The following RASAL2 variants were observed in gnomAD, a reference collection of about 807,000 sequenced individuals.
The protein encoded by RASAL2 is RAS protein activator like 2.
In RASAL2, 58 loss-of-function variants were observed where a neutral mutation model predicts 128.9. The ratio of observed to expected loss-of-function variants is 0.45; its 90% CI spans 0.36 to 0.56. The LOEUF is 0.56. Among genes scored for constraint, RASAL2 ranks in the 20% least tolerant of loss-of-function variants. The pLI is 0.00. For synonymous variants in RASAL2, 561 were observed against 580.8 expected (o/e 0.97, Z 0.49); for missense variants, 1,360 against 1,601.6 (o/e 0.85, Z 2.57).
intron 4 of RASAL2, among the ~76,000 whole-genome samples, chr1:178,390,483 AT>A (rs1400237531): frequency 1.3e-5 from 2 of 152,036 alleles, no homozygotes; most frequent in Non-Finnish European, 2.9e-5. Flanking sequence ...AGTTTAGGCG[AT>A]TCTCCTGCCT....
chr1:178,107,481 A>C (rs1396236405), intron 1 of RASAL2, among the ~76,000 whole-genome samples: 2 of 152,142 alleles, frequency 1.3e-5, no homozygotes, highest in Non-Finnish European at 2.9e-5. Flanking sequence ...AAATATAGCA[A>C]ATTTTCATTT....
At chr1:178,154,142 A>C (rs1661002221) in intron 1 of RASAL2, among the ~76,000 whole-genome samples, 1 of 136,912 alleles carries the variant, frequency 7.3e-6, no homozygotes, top group African/African-American at 2.7e-5. Flanking sequence ...GGCCTGATTG[A>C]TTTTTTTTTT....
intron 1 of RASAL2, among the ~76,000 whole-genome samples, chr1:178,274,960 G>A (rs1422410978): frequency 1.3e-5 from 2 of 152,042 alleles, no homozygotes; most frequent in Admixed American, 1.3e-4. Flanking sequence ...TTCCTTCAAA[G>A]GATTAGTATA....
chr1:178,307,293 T>C (rs967421931), intron 3 of RASAL2, among the ~76,000 whole-genome samples: 2 of 152,098 alleles, frequency 1.3e-5, no homozygotes, highest in Non-Finnish European at 2.9e-5. Context: ...AAAATTTTTT[T>C]CCACTGAAAA....
At chr1:178,277,628 G>A (rs180993228) in intron 1 of RASAL2, among the ~76,000 whole-genome samples, 89 of 152,332 alleles carry the variant, frequency 5.8e-4, no homozygotes, top group Non-Finnish European at 9.0e-4. Flanking sequence ...AAATGAAAAT[G>A]TATGTATAGA....
At chr1:178,235,595 T>TGTGC (rs1457064222) in intron 1 of RASAL2, among the ~76,000 whole-genome samples, 1 of 151,632 alleles carries the variant, frequency 6.6e-6, no homozygotes, top group African/African-American at 2.4e-5. Context: ...AAGTGCTTCG[T>TGTGC]GTGCGTGTGT....
chr1:178,237,037 T>TA, intron 1 of RASAL2, among the ~76,000 whole-genome samples: 1 of 152,140 alleles, frequency 6.6e-6, no homozygotes, highest in Non-Finnish European at 1.5e-5. Flanking sequence ...ATGCTGGAAT[T>TA]ACAGGTGTGA....
At position 178,366,008 on chromosome 1, in the gene RASAL2, T is replaced by C. The variant is rs142759900; in HGVS notation, c.458-24092T>C. On this transcript the variant is annotated intron_variant, in intron 3 of 17. Coordinates refer to ENST00000367649, the MANE Select transcript of RASAL2 (RefSeq NM_170692.4). ...TTTTATGATATTGAAATATAATTTG[T>C]ATAGTAGATTATTCATGGAGTAGCA... Among the ~76,000 whole-genome samples, 214 of 152,334 alleles carry C rather than the reference T, an allele frequency of 1.4e-3. 1 individual carries two copies. Among genetic ancestry groups the C allele is most frequent in the African/African-American group, 4.6e-3 (191 of 41,578 alleles).
intron 3 of RASAL2, among the ~76,000 whole-genome samples, chr1:178,380,459 G>C (rs1174239023): frequency 1.3e-5 from 2 of 151,930 alleles, no homozygotes; most frequent in African/African-American, 4.8e-5. Flanking sequence ...AATTTATTTT[G>C]TATTAAATTG....
chr1:178,320,420 G>A (rs1471308055), intron 3 of RASAL2, among the ~76,000 whole-genome samples: 3 of 152,188 alleles, frequency 2.0e-5, no homozygotes, highest in Non-Finnish European at 4.4e-5. Context: ...TTTGATCTCA[G>A]ACTGCTGTGC....
At chr1:178,278,493 G>A (rs1666630985) in intron 1 of RASAL2, among the ~76,000 whole-genome samples, 1 of 151,990 alleles carries the variant, frequency 6.6e-6, no homozygotes, top group African/African-American at 2.4e-5. Flanking sequence ...CTCTCAATAG[G>A]TTCATGATTT....
rs573616910 is a variant in RASAL2 at position 178,348,205 on chromosome 1, A to G, written c.458-41895A>G. ...TGTTCTGTGGTGGTGTTGTTTTCTGATTCAGATGCTGGTTACTAGCATGAA... is the reference window on the plus strand; with the variant it reads ...TGTTCTGTGGTGGTGTTGTTTTCTGGTTCAGATGCTGGTTACTAGCATGAA... On this transcript the variant is annotated intron_variant, in intron 3 of 17. Coordinates refer to ENST00000367649, the MANE Select transcript of RASAL2 (RefSeq NM_170692.4). Among the ~76,000 whole-genome samples the G allele has an allele frequency of 3.3e-5, 5 of 152,288 alleles. No homozygotes were observed. In the South Asian group the frequency reaches 1.0e-3, roughly 32 times the overall value.
intron 1 of RASAL2, among the ~76,000 whole-genome samples, chr1:178,278,368 T>C (rs1666624367): frequency 6.6e-6 from 1 of 152,174 alleles, no homozygotes; most frequent in East Asian, 1.9e-4. Context: ...TTAGGCAAGC[T>C]TCCTTGTCTA....
At chr1:178,358,423 T>G (rs938771977) in intron 3 of RASAL2, among the ~76,000 whole-genome samples, 1 of 152,012 alleles carries the variant, frequency 6.6e-6, no homozygotes, top group Non-Finnish European at 1.5e-5. Context: ...CCCACAATTT[T>G]TCACAGGATT....
At chr1:178,268,948 A>G (rs1666113918) in intron 1 of RASAL2, among the ~76,000 whole-genome samples, 1 of 152,096 alleles carries the variant, frequency 6.6e-6, no homozygotes, top group Non-Finnish European at 1.5e-5. Context: ...GTTTTTTTAA[A>G]TACTGTATGC....
At chr1:178,389,456 G>A (rs1672768687) in intron 3 of RASAL2, 3 of 197,292 alleles carry the variant, frequency 1.5e-5, no homozygotes, top group African/African-American at 4.7e-5. Flanking sequence ...CACATTATCT[G>A]CAAAATCCTA....
chr1:178,372,987 A>G (rs770897411), intron 3 of RASAL2, among the ~76,000 whole-genome samples: 5 of 152,060 alleles, frequency 3.3e-5, no homozygotes, highest in Admixed American at 6.6e-5. Flanking sequence ...TTAAAAACCT[A>G]TTTGTGAATA....
chr1:178,378,724 A>C (rs1672124242), intron 3 of RASAL2, among the ~76,000 whole-genome samples: 1 of 152,204 alleles, frequency 6.6e-6, no homozygotes, highest in African/African-American at 2.4e-5. Flanking sequence ...ATTATAAAAT[A>C]CTAAGCAATA....
chr1:178,143,685 C>G (rs1276085308), intron 1 of RASAL2, among the ~76,000 whole-genome samples: 3 of 151,132 alleles, frequency 2.0e-5, no homozygotes, highest in African/African-American at 7.3e-5. Context: ...AGTGTAAGCC[C>G]TCTGATGCAA....
Sources: gnomAD v4.1 joint callset for allele counts (sites outside exome capture counted in the v4.1 genomes callset) on GRCh38, gnomAD v4.1.1 for gene constraint, MANE v1.5 for transcripts, NCBI Gene and HGNC (gene_info 2026-07-23, HGNC 2026-07-21) for gene names.